PCCA: variants seen among roughly 807,000 people sequenced by gnomAD.
PCCA encodes the protein propionyl-CoA carboxylase alpha chain, mitochondrial.
A neutral mutation model predicts 101.3 loss-of-function variants in PCCA; 74 were observed. That is an observed-to-expected ratio of 0.73 (90% confidence interval 0.61 to 0.89). The LOEUF (loss-of-function observed/expected upper bound fraction) is 0.89, where lower values mean the gene tolerates loss of function less well. PCCA is among the 40% of genes least tolerant of loss of function. The probability of loss-of-function intolerance (pLI) is 0.00; values close to 1 mark genes in which losing one functional copy is unlikely to be tolerated. For missense variants in PCCA, 891 were observed against 907.0 expected, an observed-to-expected ratio of 0.98 and a Z score of 0.23; for synonymous variants, 294 against 313.6, an observed-to-expected ratio of 0.94 and a Z score of 0.66.
At chr13:100,445,402 T>C (rs981859558) in intron 20 of PCCA, among the ~76,000 whole-genome samples, 1 of 152,106 alleles carries the variant, frequency 6.6e-6, no homozygotes, top group African/African-American at 2.4e-5. Context: ...TTAACATATA[T>C]GTATTACCTC....
rs1304711266 is a variant in PCCA, at chr13:100,330,444, T to A, written c.1430-117T>A. The A allele has an allele frequency of 8.8e-6, 6 of 684,766 alleles. No homozygotes were observed. The Admixed American group carries it at 1.3e-4, about 15-fold the overall frequency. The allele number at this position is 684,766 out of a possible 1,614,324, so 42.4% of individuals were successfully genotyped here. On this transcript the variant is annotated intron_variant, in intron 16 of 23. Transcript: ENST00000376285. Reference sequence around the variant, plus strand: ...TGTTAATAGAATTCAAGGAAATAAGTAATCTTGAATGGTTTCTGCTAGGTC... The same window carrying A: ...TGTTAATAGAATTCAAGGAAATAAGAAATCTTGAATGGTTTCTGCTAGGTC...
At chr13:100,112,214 T>C (rs1233576192) in intron 4 of PCCA, among the ~76,000 whole-genome samples, 153 bp downstream of exon 4, 1 of 152,232 alleles carries the variant, frequency 6.6e-6, no homozygotes, top group East Asian at 1.9e-4. Flanking sequence ...AAAACGACAG[T>C]ATCACAGTAT....
chr13:100,232,346 GTA>G (rs2060525937), intron 7 of PCCA, among the ~76,000 whole-genome samples: 1 of 127,896 alleles, frequency 7.8e-6, no homozygotes, highest in Admixed American at 8.8e-5. Context: ...GTGTGTGTGT[GTA>G]TGCGTGTGTG....
chr13:100,493,346 G>A (rs1593985316), intron 21 of PCCA, among the ~76,000 whole-genome samples: 1 of 152,202 alleles, frequency 6.6e-6, no homozygotes, highest in Admixed American at 6.5e-5. Flanking sequence ...TTGGGTGGAT[G>A]TGGAGGTGTG....
intron 22 of PCCA, among the ~76,000 whole-genome samples, chr13:100,516,359 C>A (rs545088876): frequency 1.3e-5 from 2 of 152,352 alleles, no homozygotes; most frequent in South Asian, 4.1e-4. Flanking sequence ...CTGGGACTTA[C>A]ATTTTAGTGC....
chr13:100,477,839 C>T (rs2083534150), intron 21 of PCCA, among the ~76,000 whole-genome samples: 1 of 152,194 alleles, frequency 6.6e-6, no homozygotes, highest in Non-Finnish European at 1.5e-5. Context: ...TCCTTGGCTC[C>T]TGGGAAAGAA....
chr13:100,243,053 G>T (rs758338113), intron 8 of PCCA, among the ~76,000 whole-genome samples: 1 of 152,022 alleles, frequency 6.6e-6, no homozygotes. Flanking sequence ...GCACCACCAC[G>T]CCTGGCTAAT....
At chr13:100,270,703 T>G (rs926792598) in intron 11 of PCCA, among the ~76,000 whole-genome samples, 2 of 152,116 alleles carry the variant, frequency 1.3e-5, no homozygotes, top group African/African-American at 4.8e-5. Flanking sequence ...GAATGTGTAG[T>G]TTTCAGTTCC....
chr13:100,118,839 G>A (rs1461571799), intron 4 of PCCA, among the ~76,000 whole-genome samples: 1 of 151,926 alleles, frequency 6.6e-6, no homozygotes, highest in African/African-American at 2.4e-5. Flanking sequence ...GTGAGCCACC[G>A]TACCCCAGCC....
At chr13:100,272,119 G>C (rs1014641044) in intron 11 of PCCA, among the ~76,000 whole-genome samples, 3 of 152,124 alleles carry the variant, frequency 2.0e-5, no homozygotes, top group Non-Finnish European at 4.4e-5. Context: ...AGGGTTTGTT[G>C]AAGTCATTTT....
At chr13:100,316,664 C>T (rs1393772193) in intron 16 of PCCA, among the ~76,000 whole-genome samples, 1 of 152,130 alleles carries the variant, frequency 6.6e-6, no homozygotes, top group African/African-American at 2.4e-5. Context: ...TTTGGTTCCA[C>T]CTATTTTAAC....
intron 4 of PCCA, among the ~76,000 whole-genome samples, chr13:100,135,614 G>C (rs2051065988): frequency 6.6e-6 from 1 of 152,056 alleles, no homozygotes; most frequent in Admixed American, 6.6e-5. Flanking sequence ...AACAGAGACA[G>C]TTCGATTTTT....
intron 4 of PCCA, among the ~76,000 whole-genome samples, chr13:100,117,595 A>G (rs1460846012): frequency 6.6e-6 from 1 of 151,822 alleles, no homozygotes; most frequent in Non-Finnish European, 1.5e-5. Context: ...GACACAGGGT[A>G]GGGAACATCA....
chr13:100,152,854 G>C (rs1041848792), intron 4 of PCCA, among the ~76,000 whole-genome samples: 4 of 152,180 alleles, frequency 2.6e-5, no homozygotes, highest in Admixed American at 2.6e-4. Flanking sequence ...CATTACGAAA[G>C]TGTATTTAGA....
intron 12 of PCCA, among the ~76,000 whole-genome samples, chr13:100,275,175 C>T (rs1390991652): frequency 3.9e-5 from 6 of 152,154 alleles, no homozygotes; most frequent in Non-Finnish European, 8.8e-5. Flanking sequence ...ATGCCTGCTT[C>T]ATCCTGAGCT....
At chr13:100,215,921 G>A (rs2059478900) in intron 7 of PCCA, among the ~76,000 whole-genome samples, 1 of 152,162 alleles carries the variant, frequency 6.6e-6, no homozygotes, top group African/African-American at 2.4e-5. Context: ...TTGCAGGTGT[G>A]AGCCACTGTG....
At chr13:100,166,817 T>TA (rs1264656715) in intron 6 of PCCA, among the ~76,000 whole-genome samples, 2 of 152,366 alleles carry the variant, frequency 1.3e-5, no homozygotes, top group Non-Finnish European at 2.9e-5. Context: ...TTGTATGTTT[T>TA]ATCTTCTTAG....
At chr13:100,153,293 G>A (rs913506296) in intron 4 of PCCA, among the ~76,000 whole-genome samples, 1 of 152,168 alleles carries the variant, frequency 6.6e-6, no homozygotes, top group African/African-American at 2.4e-5. Context: ...CAGTTAAAAT[G>A]AGATTGTTGG....
chr13:100,138,704 G>A (rs1358065164), intron 4 of PCCA, among the ~76,000 whole-genome samples: 1 of 152,070 alleles, frequency 6.6e-6, no homozygotes, highest in Non-Finnish European at 1.5e-5. Flanking sequence ...GGAGGCCGAA[G>A]CGGGTGGATC....
Sources: gnomAD v4.1 joint callset for allele counts (sites outside exome capture counted in the v4.1 genomes callset) on GRCh38, gnomAD v4.1.1 for gene constraint, MANE v1.5 for transcripts, NCBI Gene and HGNC (gene_info 2026-07-23, HGNC 2026-07-21) for gene names.